LSM2: variants seen among roughly 807,000 people sequenced by gnomAD.
The protein encoded by LSM2 is U6 snRNA-associated Sm-like protein LSm2.
LSM2 carries 12 observed loss-of-function variants against 17.0 expected under a neutral mutation model. The observed-to-expected ratio is 0.70, with a 90% CI of 0.45 to 1.14. The LOEUF is 1.14. Ranked by LOEUF, LSM2 falls within the 50% of genes most tolerant of loss-of-function variation. The pLI is 0.00. For missense variants in LSM2, 62 were observed against 111.8 expected, an observed-to-expected ratio of 0.55 and a Z score of 2.01; for synonymous variants, 42 against 44.5, an observed-to-expected ratio of 0.94 and a Z score of 0.22.
chr6:31,798,080 TA>T (rs764925647), intron 3 of LSM2, 31 bp from the exon 4 acceptor site: 187 of 1,493,954 alleles, frequency 1.3e-4, no homozygotes, highest in Admixed American at 2.9e-4. Flanking sequence ...CCATTATTAT[TA>T]TTATTTTTTT....
chr6:31,805,122 T>C (rs1375315523), intron 2 of LSM2, among the ~76,000 whole-genome samples: 1 of 151,798 alleles, frequency 6.6e-6, no homozygotes, highest in Non-Finnish European at 1.5e-5. Context: ...TGGAGTAAAG[T>C]GATACAATCA....
chr6:31,799,778 TTGA>T (rs2151444701), intron 2 of LSM2, among the ~76,000 whole-genome samples: 1 of 152,272 alleles, frequency 6.6e-6, no homozygotes, highest in African/African-American at 2.4e-5. Flanking sequence ...AGCATTACTC[TTGA>T]TGATGCAGGC....
At chr6:31,798,085 T>A (rs201422522) in intron 3 of LSM2, 36 bp from the exon 4 acceptor site, 6,517 of 402,184 alleles carry the variant, frequency 0.016, 13 homozygotes, top group East Asian at 0.071. Context: ...ATTATTATTA[T>A]TTTTTTTTTT....
rs604895 is a variant in LSM2, at chr6:31,798,664, A to C, written c.72-157T>G. On this transcript the variant is annotated intron_variant, in intron 2 of 4. Coordinates refer to ENST00000375661, the MANE Select transcript of LSM2 (RefSeq NM_021177.5). ...AAAAGGGGGCATTCCTAAGCCCTGGAGTAGGAAAGACAACTAACAGAGTAG... is the reference window on the plus strand; with the variant it reads ...AAAAGGGGGCATTCCTAAGCCCTGGCGTAGGAAAGACAACTAACAGAGTAG... Among the ~76,000 whole-genome samples the C allele has an allele frequency of 4.1e-3, 620 of 151,458 alleles. 3 individuals carry two copies. Among genetic ancestry groups the C allele is most frequent in the African/African-American group, 0.014 (584 of 41,380 alleles).
rs1017632770 is a variant in LSM2, at chr6:31,806,838, G to A, written c.-81C>T. ...CAGGTCTGGGGAAACCGAAGCGCGA[G>A]CCCGCGCGTGGGGCGAGGCGGGACC... On this transcript the variant is annotated 5_prime_UTR_variant, in exon 1 of 5. Coordinates refer to ENST00000375661, the MANE Select transcript of LSM2 (RefSeq NM_021177.5). The A allele has an allele frequency of 2.0e-6, 3 of 1,506,734 alleles. No individual in the cohort carries two copies. In the East Asian group the frequency reaches 7.2e-5, roughly 36 times the overall value. The allele number at this position is 1,506,734 out of a possible 1,614,324, so 93.3% of individuals were successfully genotyped here.
chr6:31,800,276 T>C (rs556523595), intron 2 of LSM2, among the ~76,000 whole-genome samples: 2 of 152,056 alleles, frequency 1.3e-5, no homozygotes, highest in African/African-American at 2.4e-5. Flanking sequence ...GTGGAGGTTG[T>C]AGTGAGGCGA....
intron 1 of LSM2, 24 bp downstream of exon 1, chr6:31,806,731 C>G (rs1476004061): frequency 1.2e-6 from 2 of 1,609,540 alleles, no homozygotes; most frequent in East Asian, 2.2e-5. Flanking sequence ...CGAGGGCGCC[C>G]CCTTTTGACG....
chr6:31,806,751 C>A lies in LSM2; in HGVS notation c.3+4G>T, dbSNP rs369120809. ...GCGCCCCCTTTTGACGTCACGGTAC[C>A]CACCATGGTGCTGGCGCCGCGGGCA... On this transcript the variant is annotated splice_donor_region_variant and intron_variant, in intron 1 of 4. Transcript: ENST00000375661. 502 of 1,610,198 alleles carry A rather than the reference C, an allele frequency of 3.1e-4. No homozygotes were observed. The highest frequency in any genetic ancestry group is 4.2e-4 in the Non-Finnish European group (493 of 1,179,014).
intron 2 of LSM2, among the ~76,000 whole-genome samples, chr6:31,801,011 T>A (rs1271197547): frequency 6.7e-6 from 1 of 150,244 alleles, no homozygotes; most frequent in Non-Finnish European, 1.5e-5. Context: ...AAATAAAATA[T>A]AAAAATACAA....
chr6:31,798,061 A>C lies in LSM2; in HGVS notation c.103-12T>G, dbSNP rs946908281. 12 of 1,575,786 alleles carry C rather than the reference A, an allele frequency of 7.6e-6. No individual in the cohort carries two copies. The highest frequency in any genetic ancestry group is 7.7e-6 in the Non-Finnish European group (9 of 1,166,558). ...TTGATGTTGAGATACTAGGAAAGGA[A>C]GATGAACACCATTATTATTATTATT... On this transcript the variant is annotated splice_polypyrimidine_tract_variant and intron_variant, in intron 3 of 4. Coordinates refer to ENST00000375661, the MANE Select transcript of LSM2 (RefSeq NM_021177.5).
intron 1 of LSM2, chr6:31,806,470 C>A (rs1257708680): frequency 3.3e-6 from 2 of 608,012 alleles, no homozygotes; most frequent in Non-Finnish European, 2.9e-6. Context: ...CCCACCCGCA[C>A]CCTGCCGAAG....
chr6:31,806,913 A>AAGCTCC lies in LSM2; in HGVS notation c.-157_-156insGGAGCT. On this transcript the variant is annotated 5_prime_UTR_variant, in exon 1 of 5. Transcript: ENST00000375661. The stretch of plus-strand genomic sequence containing the variant: ...CAGAAAGCTCCAAGCGCTGACGGGC[A>AAGCTCC]AAGCGCGGCCGACTTGCGGCTGGGG... 1 of 1,030,538 alleles carries AAGCTCC rather than the reference A, an allele frequency of 9.7e-7. No homozygotes were observed. Among genetic ancestry groups the AAGCTCC allele is most frequent in the Non-Finnish European group, 1.4e-6 (1 of 727,530 alleles). The allele number at this position is 1,030,538 out of a possible 1,614,324, so 63.8% of individuals were successfully genotyped here. A position where few individuals can be genotyped will look rare whatever the true frequency, so the allele number is the denominator to read the frequency against.
intron 2 of LSM2, among the ~76,000 whole-genome samples, chr6:31,802,109 A>T (rs982754933): frequency 2.0e-5 from 3 of 151,438 alleles, no homozygotes; most frequent in African/African-American, 7.3e-5. Context: ...GTGAAACCCG[A>T]TGTCTACTAA....
At chr6:31,798,086 T>TA (rs199998896) in intron 3 of LSM2, 37 bp from the exon 4 acceptor site, 244 of 1,131,488 alleles carry the variant, frequency 2.2e-4, no homozygotes, top group Admixed American at 2.9e-4. Flanking sequence ...TTATTATTAT[T>TA]TTTTTTTTTT....
rs766568873 is a variant in LSM2 at position 31,806,134 on chromosome 6, A to C, written c.12T>G (p.Tyr4Ter). The change falls in exon 2 of 5, where the codon TAT becomes TAG. Residue 4 changes from tyrosine to a stop codon, truncating the protein, a stop_gained. Coordinates refer to ENST00000375661, the MANE Select transcript of LSM2 (RefSeq NM_021177.5). LOFTEE classifies it high-confidence loss of function. MLF[Y>*]SFFKSLVGKD... ...TGCCCACAAGGGACTTGAAAAAAGA[A>C]TAGAAGAGCTATTGGGAGAGAGGGG... 6.2e-7 allele frequency: 1 copy of C among 1,612,928 alleles called. No homozygotes were observed. The highest frequency in any genetic ancestry group is 8.5e-7 in the Non-Finnish European group (1 of 1,179,898).
intron 2 of LSM2, among the ~76,000 whole-genome samples, chr6:31,801,825 C>T (rs1814725611): frequency 6.6e-6 from 1 of 151,648 alleles, no homozygotes; most frequent in African/African-American, 2.4e-5. Flanking sequence ...GATCTTCTTT[C>T]TCATCCCAAC....
intron 4 of LSM2, 34 bp from the exon 5 acceptor site, chr6:31,797,916 T>C (rs753112690): frequency 1.1e-5 from 18 of 1,612,838 alleles, no homozygotes; most frequent in Admixed American, 6.7e-5. Flanking sequence ...AAAACACCCT[T>C]AAAAATGTCC....
intron 2 of LSM2, among the ~76,000 whole-genome samples, chr6:31,801,460 G>C (rs1814698627): frequency 6.6e-6 from 1 of 152,134 alleles, no homozygotes; most frequent in Non-Finnish European, 1.5e-5. Flanking sequence ...TAAGGAGGGG[G>C]AGATACATAG....
intron 2 of LSM2, among the ~76,000 whole-genome samples, chr6:31,799,778 T>C (rs1335527917): frequency 6.6e-6 from 1 of 152,154 alleles, no homozygotes; most frequent in Non-Finnish European, 1.5e-5. Context: ...AGCATTACTC[T>C]TGATGATGCA....
Sources: allele counts gnomAD v4.1 joint callset (sites outside exome capture counted in the v4.1 genomes callset), GRCh38; gene constraint gnomAD v4.1.1; transcripts MANE v1.5; gene names NCBI Gene and HGNC (gene_info 2026-07-23, HGNC 2026-07-21).